The following HSD17B3 variants were observed in gnomAD, a reference collection of about 807,000 sequenced individuals.
HSD17B3 encodes 17-beta-hydroxysteroid dehydrogenase type 3.
In HSD17B3, 29 loss-of-function variants were observed where a neutral mutation model predicts 41.1. The ratio of observed to expected loss-of-function variants is 0.71; its 90% CI spans 0.53 to 0.96. The LOEUF (loss-of-function observed/expected upper bound fraction) is 0.96, where lower values mean the gene tolerates loss of function less well. HSD17B3 is among the 40% of genes least tolerant of loss of function. HSD17B3 has a pLI of 0.00. For missense variants in HSD17B3, 323 were observed against 374.6 expected (o/e 0.86, Z 1.14); for synonymous variants, 126 against 145.6 (o/e 0.87, Z 0.97).
intron 10 of HSD17B3, 79 bp from the exon 11 acceptor site, chr9:96,235,649 A>AT (rs1452220028): frequency 3.4e-6 from 4 of 1,170,732 alleles, no homozygotes; most frequent in Admixed American, 2.0e-5. Flanking sequence ...CTTTAAAAAT[A>AT]TTTTTTTCTG....
chr9:96,241,281 A>G (rs1040646014), intron 9 of HSD17B3, among the ~76,000 whole-genome samples: 3 of 152,226 alleles, frequency 2.0e-5, no homozygotes, highest in Admixed American at 2.0e-4. Context: ...TCGTATCCCA[A>G]GTATTGCATG....
Position 96,236,552 on chromosome 9 carries a change from T to A in HSD17B3, c.823-982A>T, listed in dbSNP as rs552550499. ...ATAAATAAATAAATAAATAAATAAA[T>A]AAAATGAGGATCCAGGAGAGAATCA... On this transcript the variant is annotated intron_variant, in intron 10 of 10. Transcript: ENST00000375263. Among the ~76,000 whole-genome samples, 4 of 150,288 alleles carry A rather than the reference T, an allele frequency of 2.7e-5. No individual in the cohort carries two copies. The East Asian group carries it at 5.8e-4, about 22-fold the overall frequency.
intron 2 of HSD17B3, among the ~76,000 whole-genome samples, chr9:96,293,609 TC>T (rs1827236857): frequency 6.7e-6 from 1 of 150,374 alleles, no homozygotes; most frequent in Non-Finnish European, 1.5e-5. Context: ...TCTCCCTTCC[TC>T]CCCTGCCCCC....
At chr9:96,290,101 T>C (rs981179149) in intron 2 of HSD17B3, among the ~76,000 whole-genome samples, 2 of 151,910 alleles carry the variant, frequency 1.3e-5, no homozygotes, top group Non-Finnish European at 2.9e-5. Flanking sequence ...AAAAATAGGG[T>C]GAGCAGTGGC....
intron 2 of HSD17B3, among the ~76,000 whole-genome samples, chr9:96,277,819 G>GAATT (rs58608309): frequency 0.91 from 138,360 of 151,314 alleles, 63,386 homozygotes; most frequent in African/African-American, 0.96. Flanking sequence ...ATTAACAGAT[G>GAATT]AATAAGGAAA....
chr9:96,249,452 T>A (rs901200812), intron 6 of HSD17B3: 4 of 380,882 alleles, frequency 1.1e-5, no homozygotes, highest in Non-Finnish European at 1.9e-5. Context: ...TAATTTTTTT[T>A]AGAATTGCCT....
intron 1 of HSD17B3, among the ~76,000 whole-genome samples, chr9:96,299,316 G>A (rs1286994936): frequency 2.6e-5 from 4 of 152,148 alleles, no homozygotes; most frequent in East Asian, 1.9e-4. Flanking sequence ...CAAGCCTCAC[G>A]GACCACACTG....
intron 2 of HSD17B3, among the ~76,000 whole-genome samples, chr9:96,297,983 A>G (rs1827428741): frequency 6.6e-6 from 1 of 152,230 alleles, no homozygotes; most frequent in African/African-American, 2.4e-5. Flanking sequence ...AGAATATGCT[A>G]TAATGCCATT....
At chr9:96,276,795 A>T (rs540325019) in intron 2 of HSD17B3, among the ~76,000 whole-genome samples, 14 of 152,240 alleles carry the variant, frequency 9.2e-5, no homozygotes, top group African/African-American at 3.1e-4. Context: ...CTAAAGCCAT[A>T]AGATTATTAG....
chr9:96,242,669 A>G (rs1836501468), intron 9 of HSD17B3, among the ~76,000 whole-genome samples: 2 of 152,116 alleles, frequency 1.3e-5, no homozygotes, highest in African/African-American at 4.8e-5. Context: ...AGCACCTCCA[A>G]GTTCTCTGCA....
At chr9:96,273,979 C>T (rs1014471992) in intron 2 of HSD17B3, among the ~76,000 whole-genome samples, 2 of 152,152 alleles carry the variant, frequency 1.3e-5, no homozygotes, top group African/African-American at 4.8e-5. Context: ...TTCAAATGCA[C>T]AGACATTAAT....
chr9:96,243,994 A>G (rs746336188), intron 9 of HSD17B3, among the ~76,000 whole-genome samples: 5 of 152,216 alleles, frequency 3.3e-5, no homozygotes, highest in Non-Finnish European at 5.9e-5. Context: ...CAGAGAGGAA[A>G]AGCCACAACC....
chr9:96,289,675 G>T (rs1827071606), intron 2 of HSD17B3, among the ~76,000 whole-genome samples: 1 of 152,184 alleles, frequency 6.6e-6, no homozygotes, highest in African/African-American at 2.4e-5. Context: ...GCCTTTTAGA[G>T]GTTCCATGTG....
intron 6 of HSD17B3, among the ~76,000 whole-genome samples, chr9:96,249,383 G>A (rs575681201): frequency 1.5e-4 from 23 of 152,308 alleles, no homozygotes; most frequent in Middle Eastern, 6.8e-3. Flanking sequence ...CACGCCCTCC[G>A]TCAGTTTTCC....
At chr9:96,261,763 T>C (rs1329454174) in intron 2 of HSD17B3, among the ~76,000 whole-genome samples, 1 of 152,134 alleles carries the variant, frequency 6.6e-6, no homozygotes, top group East Asian at 1.9e-4. Context: ...CTCTCCCATC[T>C]CCCTACTCCT....
In HSD17B3 at chr9:96,240,901, T is replaced by C. The variant is rs1318050831; in HGVS notation, c.679A>G (p.Thr227Ala). 1 of 1,613,952 alleles carries C rather than the reference T, an allele frequency of 6.2e-7. No homozygotes were observed. Among genetic ancestry groups the C allele is most frequent in the Non-Finnish European group, 8.5e-7 (1 of 1,180,018 alleles). The part of the protein sequence containing the change: ...KAKEVIIQVL[T>A]PYAVSTAMTK... ...ATTGCAGTCGAGACAGCATATGGGG[T>C]CAGCACCTACAACGGGAAACAAAGA... Residue 227 changes from threonine (T) to alanine (A), a missense_variant, in exon 10 of 11, where the codon ACC becomes GCC. By Grantham distance (58) the Thr-to-Ala change is moderately conservative. Coordinates refer to ENST00000375263, the MANE Select transcript of HSD17B3 (RefSeq NM_000197.2).
At chr9:96,290,401 GA>G (rs963677398) in intron 2 of HSD17B3, among the ~76,000 whole-genome samples, 6 of 150,396 alleles carry the variant, frequency 4.0e-5, no homozygotes, top group African/African-American at 1.5e-4. Flanking sequence ...GATGTGAGAG[GA>G]GGTTCATTTA....
At chr9:96,257,952 C>T (rs1315726308) in intron 2 of HSD17B3, among the ~76,000 whole-genome samples, 1 of 152,168 alleles carries the variant, frequency 6.6e-6, no homozygotes, top group African/African-American at 2.4e-5. Flanking sequence ...GGGTGAGCCA[C>T]CCCACCCGGC....
chr9:96,241,054 G>A (rs972689422), intron 9 of HSD17B3, 147 bp from the exon 10 acceptor site: 1 of 937,576 alleles, frequency 1.1e-6, no homozygotes, highest in South Asian at 1.5e-5. Context: ...AAAAGGCACA[G>A]TACCGGCACA....
Sources: gnomAD v4.1 joint callset for allele counts (sites outside exome capture counted in the v4.1 genomes callset) on GRCh38, gnomAD v4.1.1 for gene constraint, MANE v1.5 for transcripts, NCBI Gene and HGNC (gene_info 2026-07-23, HGNC 2026-07-21) for gene names.